The following ZNF621 variants were observed in gnomAD, a reference collection of about 807,000 sequenced individuals.
ZNF621 encodes the protein zinc finger protein 621.
A neutral mutation model predicts 12.7 loss-of-function variants in ZNF621; 6 were observed. The ratio of observed to expected loss-of-function variants is 0.47; its 90% CI spans 0.26 to 0.93. The LOEUF is 0.93. ZNF621 is among the 40% of genes least tolerant of loss of function. The probability of loss-of-function intolerance (pLI) is 0.15; values close to 1 mark genes in which losing one functional copy is unlikely to be tolerated. For synonymous variants in ZNF621, 156 were observed against 190.3 expected (o/e 0.82, Z 1.48); for missense variants, 474 against 524.0 (o/e 0.90, Z 0.93).
At chr3:40,526,070 G>A (rs142205413) in intron 2 of ZNF621, among the ~76,000 whole-genome samples, 80 of 152,296 alleles carry the variant, frequency 5.3e-4, no homozygotes, top group Middle Eastern at 3.4e-3. Flanking sequence ...GAGTTTGGAT[G>A]TATAGATTTA....
chr3:40,523,151 T>G (rs1163438490), upstream of ZNF621, among the ~76,000 whole-genome samples: 1 of 152,282 alleles, frequency 6.6e-6, no homozygotes, highest in African/African-American at 2.4e-5. Flanking sequence ...CTATGTTCAC[T>G]GATTCATAGA....
In ZNF621 at chr3:40,537,556, T is replaced by C. The variant is rs1698899750; in HGVS notation, c.*4466T>C. The stretch of plus-strand genomic sequence containing the variant: ...AGTTCGAGACTGCAGTGAGCTATGA[T>C]TGTGCCACTGCACTCTAGCCTGTGT... On this transcript the variant is annotated 3_prime_UTR_variant, in exon 5 of 5. Coordinates refer to ENST00000339296, the MANE Select transcript of ZNF621 (RefSeq NM_198484.5). 6.6e-6 allele frequency: 1 copy of C among 152,528 alleles called. No individual in the cohort carries two copies. Among genetic ancestry groups the C allele is most frequent in the African/African-American group, 2.4e-5 (1 of 41,472 alleles). The allele number at this position is 152,528 out of a possible 1,614,324, so 9.4% of individuals were successfully genotyped here.
intron 2 of ZNF621, among the ~76,000 whole-genome samples, chr3:40,526,886 G>C (rs763414069): frequency 6.6e-6 from 1 of 152,070 alleles, no homozygotes; most frequent in Non-Finnish European, 1.5e-5. Flanking sequence ...ACGGAGTTTC[G>C]CCTTTGTTGT....
In ZNF621 at chr3:40,536,256, T is replaced by C. The variant is rs929794997; in HGVS notation, c.*3166T>C. 1 of 152,162 alleles carries C rather than the reference T, an allele frequency of 6.6e-6. No homozygotes were observed. Among genetic ancestry groups the C allele is most frequent in the East Asian group, 1.9e-4 (1 of 5,180 alleles). The allele number at this position is 152,162 out of a possible 1,614,324, so 9.4% of individuals were successfully genotyped here. A position where few individuals can be genotyped will look rare whatever the true frequency, so the allele number is the denominator to read the frequency against. The stretch of plus-strand genomic sequence containing the variant: ...CCACCACGCCCAGCTAATTTTTTAA[T>C]TTTTAGTAGAGACAGGGTTTCACCA... On this transcript the variant is annotated 3_prime_UTR_variant, in exon 5 of 5. Coordinates refer to ENST00000339296, the MANE Select transcript of ZNF621 (RefSeq NM_198484.5).
chr3:40,525,716 C>A, intron 1 of ZNF621, 63 bp from the exon 2 acceptor site: 3 of 1,288,354 alleles, frequency 2.3e-6, no homozygotes, highest in Non-Finnish European at 3.4e-6. Context: ...ACTGGGAGGG[C>A]CATAGGTTGC....
At chr3:40,525,481 CTT>C (rs1192059445) in intron 1 of ZNF621, 14 of 454,452 alleles carry the variant, frequency 3.1e-5, no homozygotes, top group Middle Eastern at 6.0e-4. Context: ...TGTAAAGACT[CTT>C]TACGTTTGTA....
intron 2 of ZNF621, among the ~76,000 whole-genome samples, chr3:40,528,875 T>A (rs1698651763): frequency 6.6e-6 from 1 of 152,222 alleles, no homozygotes; most frequent in Non-Finnish European, 1.5e-5. Flanking sequence ...ACATTTTGGA[T>A]AATAGTGCTT....
rs764634165 is a variant in ZNF621 at position 40,530,225 on chromosome 3, C to G, written c.168C>G (p.Pro56=). The change falls in exon 4 of 5, where the codon CCC becomes CCG. Residue 56 remains proline, a synonymous_variant. Transcript: ENST00000339296. ...TTCATGAAGTAGCGTTTCCATTCCC[C>G]AAACCTGCTCTGATCTCCCACCTGG... ...NVASLVAFPF[P]KPALISHLER... is the part of the protein sequence containing the mutation. The G allele has an allele frequency of 6.2e-7, 1 of 1,613,510 alleles. No homozygotes were observed. Among genetic ancestry groups the G allele is most frequent in the Admixed American group, 1.7e-5 (1 of 60,012 alleles).
intron 3 of ZNF621, 158 bp downstream of exon 3, chr3:40,529,603 T>TTTTG (rs761103856): frequency 2.3e-5 from 35 of 1,520,314 alleles, no homozygotes; most frequent in South Asian, 1.0e-4. Context: ...TCTCTTTGTT[T>TTTTG]TTTGTTTGTT....
intron 2 of ZNF621, 180 bp from the exon 3 acceptor site, chr3:40,529,139 G>A (rs549816271): frequency 1.3e-5 from 8 of 624,254 alleles, no homozygotes; most frequent in African/African-American, 3.7e-5. Context: ...CCATTTGAAA[G>A]TGGAACTACT....
In ZNF621 at chr3:40,532,471, C is replaced by A. The variant is rs1290464532; in HGVS notation, c.701C>A (p.Pro234His). ...CAGAGGATCCACACTGGAGAGAAAC[C>A]CTATGAATGTAAAGAGTGTGGAAAG... ...QHQRIHTGEK[P>H]YECKECGKAF... Residue 234 changes from proline to histidine, a missense_variant, in exon 5 of 5, where the codon CCC becomes CAC. Transcript: ENST00000339296. 9 of 1,614,068 alleles carry A rather than the reference C, an allele frequency of 5.6e-6. No homozygotes were observed. In the East Asian group the frequency reaches 1.6e-4, roughly 28 times the overall value.
upstream of ZNF621, chr3:40,524,819 G>C (rs1010387067): frequency 6.6e-6 from 1 of 152,436 alleles, no homozygotes; most frequent in African/African-American, 2.4e-5. Flanking sequence ...CCCGCCGCCG[G>C]CCTCTCAGCC....
At chr3:40,525,953 A>T in intron 2 of ZNF621, 89 bp downstream of exon 2, 1 of 1,518,640 alleles carries the variant, frequency 6.6e-7, no homozygotes, top group Non-Finnish European at 9.0e-7. Flanking sequence ...AGGATGAGGA[A>T]GGCCTAACTT....
At chr3:40,523,432 G>C (rs1428478395), upstream of ZNF621, among the ~76,000 whole-genome samples, 1 of 152,140 alleles carries the variant, frequency 6.6e-6, no homozygotes, top group African/African-American at 2.4e-5. Context: ...CTGGTATCTG[G>C]AACTGTGTTC....
chr3:40,527,206 C>T (rs1054726258), intron 2 of ZNF621, among the ~76,000 whole-genome samples: 4 of 152,046 alleles, frequency 2.6e-5, no homozygotes, highest in East Asian at 3.9e-4. Flanking sequence ...TTAGTAGAGA[C>T]GGGGGTTCTC....
chr3:40,524,894 C>G (rs1485266250), upstream of ZNF621: 3 of 152,278 alleles, frequency 2.0e-5, no homozygotes, highest in Non-Finnish European at 4.4e-5. Flanking sequence ...CGGGGCGGGT[C>G]TGGCCACGGG....
chr3:40,530,418 T>C, intron 4 of ZNF621, 102 bp downstream of exon 4: 1 of 913,782 alleles, frequency 1.1e-6, no homozygotes, highest in Non-Finnish European at 1.7e-6. Context: ...CCCAGTTATT[T>C]ATAAGTCGAT....
At chr3:40,531,918 C>A in intron 4 of ZNF621, 112 bp from the exon 5 acceptor site, 1 of 1,007,388 alleles carries the variant, frequency 9.9e-7, no homozygotes, top group Non-Finnish European at 1.5e-6. Flanking sequence ...TTGTATATAA[C>A]CATTTCACAG....
At position 40,532,897 on chromosome 3, in the gene ZNF621, C is replaced by T. The variant is rs965355104; in HGVS notation, c.1127C>T (p.Ala376Val). 6 of 1,593,418 alleles carry T rather than the reference C, an allele frequency of 3.8e-6. No individual in the cohort carries two copies. In the Admixed American group the frequency reaches 1.1e-4, roughly 28 times the overall value. The change falls in exon 5 of 5, where the codon GCT (alanine) becomes GTT (valine). Residue 376 changes from alanine to valine, a missense_variant. Transcript: ENST00000339296. ...PPVLLQGSCS[A>V]SAVAVPSLTF... ...GTTCTTCTCCAGGGATCCTGTTCTG[C>T]TTCAGCCGTAGCTGTGCCTTCACTG...
Sources: gnomAD v4.1 joint callset for allele counts (sites outside exome capture counted in the v4.1 genomes callset) on GRCh38, gnomAD v4.1.1 for gene constraint, MANE v1.5 for transcripts, NCBI Gene and HGNC (gene_info 2026-07-23, HGNC 2026-07-21) for gene names.